The following LDAH variants were observed in gnomAD, a reference collection of about 807,000 sequenced individuals.
LDAH encodes lipid droplet-associated hydrolase.
A neutral mutation model predicts 29.6 loss-of-function variants in LDAH; 26 were observed. The ratio of observed to expected loss-of-function variants is 0.88; its 90% CI spans 0.64 to 1.22. LDAH has a LOEUF of 1.22. LDAH is among the 50% of genes most tolerant of loss of function. The pLI is 0.00. For synonymous variants in LDAH, 117 were observed against 133.0 expected, an observed-to-expected ratio of 0.88 and a Z score of 0.83; for missense variants, 344 against 387.3, an observed-to-expected ratio of 0.89 and a Z score of 0.94.
chr2:20,776,591 T>C (rs1669841374), intron 3 of LDAH, among the ~76,000 whole-genome samples: 1 of 152,200 alleles, frequency 6.6e-6, no homozygotes, highest in African/African-American at 2.4e-5. Flanking sequence ...CAGCTTACAA[T>C]CCATTCTCCA....
intron 3 of LDAH, among the ~76,000 whole-genome samples, chr2:20,784,463 T>C (rs1433735867): frequency 2.6e-5 from 4 of 152,332 alleles, no homozygotes; most frequent in Admixed American, 6.5e-5. Flanking sequence ...ATCATATTTA[T>C]AAATGTTTCT....
At chr2:20,735,254 T>C (rs984939228) in intron 5 of LDAH, among the ~76,000 whole-genome samples, 1 of 152,196 alleles carries the variant, frequency 6.6e-6, no homozygotes, top group Non-Finnish European at 1.5e-5. Context: ...TTATCACAAA[T>C]GTTAGATCTT....
chr2:20,799,436 T>C (rs138935123), intron 2 of LDAH, among the ~76,000 whole-genome samples: 61 of 152,336 alleles, frequency 4.0e-4, no homozygotes, highest in Non-Finnish European at 7.2e-4. Flanking sequence ...GTAATGATCA[T>C]GTCAGGGTGT....
intron 5 of LDAH, among the ~76,000 whole-genome samples, chr2:20,703,601 T>A (rs1169680345): frequency 6.6e-6 from 1 of 152,250 alleles, no homozygotes; most frequent in African/African-American, 2.4e-5. Flanking sequence ...TACACTTCCA[T>A]TCTCTGTCCT....
chr2:20,821,738 A>G (rs1461161791), intron 1 of LDAH, among the ~76,000 whole-genome samples: 3 of 152,248 alleles, frequency 2.0e-5, no homozygotes, highest in African/African-American at 4.8e-5. Context: ...CACGTTGTGC[A>G]TATGTACCCT....
chr2:20,707,585 G>A (rs1053572098), intron 5 of LDAH, among the ~76,000 whole-genome samples: 1 of 152,196 alleles, frequency 6.6e-6, no homozygotes, highest in Non-Finnish European at 1.5e-5. Flanking sequence ...GTGAGAGAAC[G>A]CTCCAGAGAT....
chr2:20,807,073 G>C (rs1305758411), intron 1 of LDAH, among the ~76,000 whole-genome samples: 2 of 151,794 alleles, frequency 1.3e-5, no homozygotes, highest in East Asian at 3.9e-4. Context: ...ATCAATATCA[G>C]AAGTGAAAAA....
At chr2:20,689,995 G>A (rs1159374029) in intron 6 of LDAH, among the ~76,000 whole-genome samples, 5 of 152,204 alleles carry the variant, frequency 3.3e-5, no homozygotes, top group Admixed American at 2.6e-4. Context: ...GTCACTGTAC[G>A]CACCGCTGTT....
intron 6 of LDAH, among the ~76,000 whole-genome samples, chr2:20,693,200 C>A (rs1017193801): frequency 7.0e-6 from 1 of 143,578 alleles, no homozygotes. Flanking sequence ...ACATGGTGGG[C>A]ACTCTTAAAG....
intron 6 of LDAH, among the ~76,000 whole-genome samples, chr2:20,695,008 G>A (rs1663333319): frequency 6.6e-6 from 1 of 152,238 alleles, no homozygotes; most frequent in Admixed American, 6.5e-5. Flanking sequence ...CTCCTTCTGT[G>A]TTTCTGTCCT....
At chr2:20,819,864 C>T (rs1331284815) in intron 1 of LDAH, among the ~76,000 whole-genome samples, 1 of 152,120 alleles carries the variant, frequency 6.6e-6, no homozygotes, top group Non-Finnish European at 1.5e-5. Flanking sequence ...TTCAGAAAAC[C>T]CCATCGTCTC....
chr2:20,720,071 C>T (rs903314617), intron 5 of LDAH, among the ~76,000 whole-genome samples: 3 of 152,098 alleles, frequency 2.0e-5, no homozygotes, highest in Non-Finnish European at 4.4e-5. Flanking sequence ...TGCCCATTTT[C>T]ACCACTTCAA....
chr2:20,732,111 T>C (rs566748856), intron 5 of LDAH, among the ~76,000 whole-genome samples: 3 of 152,288 alleles, frequency 2.0e-5, no homozygotes, highest in Admixed American at 6.5e-5. Flanking sequence ...TCAAAATATT[T>C]TTTTTTCCCT....
chr2:20,687,122 T>C (rs966348877), intron 6 of LDAH, 28 bp from the exon 7 acceptor site: 2 of 1,581,400 alleles, frequency 1.3e-6, no homozygotes, highest in Admixed American at 1.7e-5. Context: ...AACCTTTTAT[T>C]AGAAAACACG....
chr2:20,800,034 T>C (rs188454036), intron 2 of LDAH, among the ~76,000 whole-genome samples: 1 of 152,350 alleles, frequency 6.6e-6, no homozygotes, highest in Admixed American at 6.5e-5. Context: ...AATAAATGGT[T>C]GTGGACCATG....
In LDAH at chr2:20,718,213, T is replaced by C. The variant is rs150673375; in HGVS notation, c.704-16561A>G. 3.6e-3 allele frequency among the ~76,000 whole-genome samples: 547 copies of C among 152,188 alleles called. 2 individuals are homozygous for C. Among genetic ancestry groups the C allele is most frequent in the Non-Finnish European group, 4.9e-3 (333 of 67,984 alleles). ...TCAACTAAATTCTCCAATTAAGACA[T>C]AGAATGGCTGAATGGATTAAAAAAC... is the stretch of plus-strand genomic sequence containing the variant. On this transcript the variant is annotated intron_variant, in intron 5 of 6. Transcript: ENST00000237822.
At chr2:20,751,550 T>C (rs1179221320) in intron 4 of LDAH, among the ~76,000 whole-genome samples, 3 of 152,220 alleles carry the variant, frequency 2.0e-5, no homozygotes, top group African/African-American at 7.2e-5. Context: ...TACACACATA[T>C]GCTCTCCCTC....
intron 1 of LDAH, among the ~76,000 whole-genome samples, chr2:20,818,042 G>A (rs887573020): frequency 5.3e-5 from 8 of 152,096 alleles, no homozygotes; most frequent in Non-Finnish European, 1.2e-4. Context: ...TCTTGATTAC[G>A]GTAGTTATAA....
At chr2:20,743,882 CTTT>C (rs896996951) in intron 4 of LDAH, among the ~76,000 whole-genome samples, 1 of 149,598 alleles carries the variant, frequency 6.7e-6, no homozygotes, top group Non-Finnish European at 1.5e-5. Context: ...AGTCCTTATT[CTTT>C]TTTTTTCTTT....
Sources: allele counts gnomAD v4.1 joint callset (sites outside exome capture counted in the v4.1 genomes callset), GRCh38; gene constraint gnomAD v4.1.1; transcripts MANE v1.5; gene names NCBI Gene and HGNC (gene_info 2026-07-23, HGNC 2026-07-21).